Variants in SMAD1 observed in about 807,000 individuals in gnomAD.
The protein encoded by SMAD1 is MAD, mothers against decapentaplegic homolog 1.
SMAD1 carries 6 observed loss-of-function variants against 41.6 expected under a neutral mutation model. That is an observed-to-expected ratio of 0.14 (90% CI 0.08 to 0.28). The LOEUF (loss-of-function observed/expected upper bound fraction) is 0.28, where lower values mean the gene tolerates loss of function less well. SMAD1 is among the 10% of genes least tolerant of loss of function. The pLI is 1.00. For missense variants in SMAD1, 379 were observed against 582.6 expected (o/e 0.65, Z 3.60); for synonymous variants, 206 against 203.2 (o/e 1.01, Z -0.12).
chr4:145,558,413 G>A lies in SMAD1; in HGVS notation c.*479G>A, dbSNP rs558607710. ...AATATTTTAAAACTATTTGTTTAGC[G>A]ATGGTTTTGTTCGTTTAAGTAAAGG... On this transcript the variant is annotated 3_prime_UTR_variant, in exon 7 of 7. Transcript: ENST00000302085. Among the ~76,000 whole-genome samples the A allele has an allele frequency of 2.6e-5, 4 of 152,256 alleles. No homozygotes were observed. Among genetic ancestry groups the A allele is most frequent in the African/African-American group, 9.6e-5 (4 of 41,536 alleles).
rs145803405 is a variant in SMAD1 at position 145,524,372 on chromosome 4, T to C, written c.400+9359T>C. On this transcript the variant is annotated intron_variant, in intron 2 of 6. Transcript: ENST00000302085. ...TGTTCTTAAATGCATTTGTGGCATTTGTTTTGGGTTATTAATTGATGAATA... is the reference window on the plus strand; with the variant it reads ...TGTTCTTAAATGCATTTGTGGCATTCGTTTTGGGTTATTAATTGATGAATA... 2.9e-3 allele frequency among the ~76,000 whole-genome samples: 437 copies of C among 152,280 alleles called. 1 individual carries two copies. Among genetic ancestry groups the C allele is most frequent in the African/African-American group, 1.0e-2 (415 of 41,554 alleles).
intron 1 of SMAD1, among the ~76,000 whole-genome samples, chr4:145,496,338 TG>T (rs1729073178): frequency 6.6e-6 from 1 of 152,180 alleles, no homozygotes; most frequent in Non-Finnish European, 1.5e-5. Context: ...ACTTTTTTTG[TG>T]CCTCAGTTTT....
At chr4:145,518,306 T>C (rs1376626004) in intron 2 of SMAD1, among the ~76,000 whole-genome samples, 7 of 124,588 alleles carry the variant, frequency 5.6e-5, no homozygotes, top group African/African-American at 1.8e-4. Flanking sequence ...AAATGCAGCA[T>C]AGTAAAACCC....
At chr4:145,492,684 G>A (rs1489680944) in intron 1 of SMAD1, among the ~76,000 whole-genome samples, 1 of 152,210 alleles carries the variant, frequency 6.6e-6, no homozygotes, top group Non-Finnish European at 1.5e-5. Flanking sequence ...AGGTTGGAGG[G>A]TGGGGCTGAA....
intron 6 of SMAD1, among the ~76,000 whole-genome samples, chr4:145,554,905 C>G (rs1421860022): frequency 6.6e-6 from 1 of 152,152 alleles, no homozygotes; most frequent in African/African-American, 2.4e-5. Flanking sequence ...CAGAAGCTCA[C>G]CAAACTTGTT....
chr4:145,529,044 A>G (rs1731182323), intron 2 of SMAD1, among the ~76,000 whole-genome samples: 2 of 152,216 alleles, frequency 1.3e-5, no homozygotes, highest in Admixed American at 6.5e-5. Context: ...TATAAGCACC[A>G]TATTAAAAGA....
chr4:145,546,538 A>G (rs1449360349), intron 4 of SMAD1, 165 bp from the exon 5 acceptor site: 1 of 614,526 alleles, frequency 1.6e-6, no homozygotes, highest in Non-Finnish European at 2.9e-6. Context: ...TGTCATATTA[A>G]GAAGTACCTG....
At chr4:145,543,884 A>G (rs1236220796) in intron 4 of SMAD1, among the ~76,000 whole-genome samples, 1 of 152,248 alleles carries the variant, frequency 6.6e-6, no homozygotes, top group Non-Finnish European at 1.5e-5. Context: ...AATTGAAGTT[A>G]AAGTACAGTT....
intron 1 of SMAD1, among the ~76,000 whole-genome samples, chr4:145,487,456 G>A (rs772238720): frequency 4.6e-5 from 7 of 152,054 alleles, no homozygotes; most frequent in Non-Finnish European, 1.0e-4. Context: ...CAAGATTTTA[G>A]GACATACTTT....
chr4:145,502,084 T>C (rs963489426), intron 1 of SMAD1, among the ~76,000 whole-genome samples: 7 of 152,332 alleles, frequency 4.6e-5, no homozygotes, highest in Admixed American at 4.6e-4. Context: ...AATAGTTTTT[T>C]CTGAGACAAC....
intron 2 of SMAD1, among the ~76,000 whole-genome samples, chr4:145,518,220 TCATGC>T (rs1215995477): frequency 1.6e-5 from 2 of 125,918 alleles, no homozygotes; most frequent in Admixed American, 7.5e-5. Flanking sequence ...CACACTATGA[TCATGC>T]CTGTAAATAG....
At chr4:145,533,153 A>G (rs926716581) in intron 2 of SMAD1, among the ~76,000 whole-genome samples, 1 of 152,176 alleles carries the variant, frequency 6.6e-6, no homozygotes, top group South Asian at 2.1e-4. Context: ...CAGCCTGACT[A>G]ACTTCTATGT....
At chr4:145,493,142 G>A (rs1215163425) in intron 1 of SMAD1, among the ~76,000 whole-genome samples, 1 of 152,192 alleles carries the variant, frequency 6.6e-6, no homozygotes, top group Non-Finnish European at 1.5e-5. Context: ...TTCTGAGTGG[G>A]TTGTGACTGG....
At chr4:145,541,644 T>C (rs961686322) in intron 3 of SMAD1, among the ~76,000 whole-genome samples, 1 of 152,172 alleles carries the variant, frequency 6.6e-6, no homozygotes, top group Non-Finnish European at 1.5e-5. Flanking sequence ...AGCTGGAGAG[T>C]GAGTCTTGGA....
intron 1 of SMAD1, among the ~76,000 whole-genome samples, chr4:145,483,402 A>AT (rs1728304792): frequency 6.6e-6 from 1 of 152,230 alleles, no homozygotes; most frequent in East Asian, 1.9e-4. Context: ...CAGTAACACA[A>AT]TGAGAAAACT....
In SMAD1 at chr4:145,541,996, A is replaced by G. The variant is rs563537832; in HGVS notation, c.659-586A>G. ...GGAGATAGCTGTGATAAACTGATTC[A>G]TTTTCTGTTATTCTGTTACTAGAGA... On this transcript the variant is annotated intron_variant, in intron 3 of 6. Coordinates refer to ENST00000302085, the MANE Select transcript of SMAD1 (RefSeq NM_005900.3). Among the ~76,000 whole-genome samples, 12 of 152,348 alleles carry G rather than the reference A, an allele frequency of 7.9e-5. No homozygotes were observed. In the East Asian group the frequency reaches 9.6e-4, roughly 12 times the overall value.
At chr4:145,548,040 T>C (rs1578825669) in intron 5 of SMAD1, among the ~76,000 whole-genome samples, 1 of 152,048 alleles carries the variant, frequency 6.6e-6, no homozygotes, top group East Asian at 1.9e-4. Context: ...CTGGGATAGG[T>C]AGGCATAGGA....
At chr4:145,517,667 T>G (rs997463292) in intron 2 of SMAD1, among the ~76,000 whole-genome samples, 4 of 70,094 alleles carry the variant, frequency 5.7e-5, no homozygotes, top group Admixed American at 1.2e-4. Context: ...GGCCATTTTT[T>G]TAGTGCTGAA....
intron 5 of SMAD1, among the ~76,000 whole-genome samples, chr4:145,551,495 CAAAT>C (rs2126548327): frequency 6.6e-6 from 1 of 152,014 alleles, no homozygotes; most frequent in Admixed American, 6.6e-5. Context: ...AAATATGTCA[CAAAT>C]AAAATTAAAA....
Sources: gnomAD v4.1 joint callset for allele counts (sites outside exome capture counted in the v4.1 genomes callset) on GRCh38, gnomAD v4.1.1 for gene constraint, MANE v1.5 for transcripts, NCBI Gene and HGNC (gene_info 2026-07-23, HGNC 2026-07-21) for gene names.